GRK2: variants seen among roughly 807,000 people sequenced by gnomAD.
GRK2 encodes G protein-coupled receptor kinase 2.
Under a neutral mutation model 97.8 loss-of-function variants are expected in GRK2, and 23 were observed. The observed-to-expected ratio is 0.24, with a 90% CI of 0.17 to 0.33. The LOEUF (loss-of-function observed/expected upper bound fraction) is 0.33, where lower values mean the gene tolerates loss of function less well. Ranked by LOEUF, GRK2 falls within the 10% of genes least tolerant of loss-of-function variation. GRK2 has a pLI of 1.00. For synonymous variants in GRK2, 425 were observed against 381.7 expected (o/e 1.11, Z -1.32); for missense variants, 633 against 956.9 (o/e 0.66, Z 4.47).
chr11:67,280,769 G>C lies in GRK2; in HGVS notation c.541G>C (p.Glu181Gln). The C allele has an allele frequency of 6.2e-7, 1 of 1,614,080 alleles. No individual in the cohort carries two copies. The highest frequency in any genetic ancestry group is 8.5e-7 in the Non-Finnish European group (1 of 1,179,988). Residue 181 changes from glutamate (E) to glutamine (Q), a missense_variant, in exon 7 of 21, where the codon GAG becomes CAG. Transcript: ENST00000308595. Reference protein sequence around the residue: ...FTRFCQWKNVELNIHLTMNDF... With the variant: ...FTRFCQWKNVQLNIHLTMNDF... ...ACGGTTTTGCCAGTGGAAGAATGTG[G>C]AGCTCAACATCCACGTGAGTGGGCT...
intron 2 of GRK2, among the ~76,000 whole-genome samples, chr11:67,278,713 C>T (rs1362652416): frequency 6.6e-6 from 1 of 152,186 alleles, no homozygotes; most frequent in Non-Finnish European, 1.5e-5. Context: ...CCTCAGAGCC[C>T]CCTGCTAACC....
Position 67,277,335 on chromosome 11 carries a change from T to C in GRK2, c.177T>C (p.Phe59=). 1 of 1,613,204 alleles carries C rather than the reference T, an allele frequency of 6.2e-7. No homozygotes were observed. The highest frequency in any genetic ancestry group is 8.5e-7 in the Non-Finnish European group (1 of 1,179,618). ...GCGAGGTGACCTTTGAGAAGATCTTTTCCCAGAAGCTGGGTGAGTATGGCA... is the reference window on the plus strand; with the variant it reads ...GCGAGGTGACCTTTGAGAAGATCTTCTCCCAGAAGCTGGGTGAGTATGGCA... The part of the protein sequence containing the change: ...DRGEVTFEKI[F]SQKLGYLLFR... Residue 59 remains phenylalanine, a synonymous_variant, in exon 2 of 21, where the codon TTT becomes TTC. Coordinates refer to ENST00000308595, the MANE Select transcript of GRK2 (RefSeq NM_001619.5).
At chr11:67,274,928 C>T (rs1210397350) in intron 1 of GRK2, among the ~76,000 whole-genome samples, 1 of 152,190 alleles carries the variant, frequency 6.6e-6, no homozygotes, top group Non-Finnish European at 1.5e-5. Flanking sequence ...CCTCACTCCC[C>T]GGTGGGGGGC....
In GRK2 at chr11:67,281,779, G is replaced by A; in HGVS notation, c.827-43G>A. ...GGGCCGGGCCCAGGCACGGGAGGCTGGGGCAAGACACTGAGTGCTGCCTGT... is the reference window on the plus strand; with the variant it reads ...GGGCCGGGCCCAGGCACGGGAGGCTAGGGCAAGACACTGAGTGCTGCCTGT... On this transcript the variant is annotated intron_variant, in intron 10 of 20. Coordinates refer to ENST00000308595, the MANE Select transcript of GRK2 (RefSeq NM_001619.5). This position sits in a 1 kb window ranked among gnomAD's most constrained non-coding sequence, Gnocchi z 5.7. 5.6e-6 allele frequency: 9 copies of A among 1,613,678 alleles called. No individual in the cohort carries two copies. The highest frequency in any genetic ancestry group is 5.9e-6 in the Non-Finnish European group (7 of 1,180,000).
At chr11:67,284,704 G>A (rs1251025158) in intron 18 of GRK2, 143 bp from the exon 19 acceptor site, 10 of 1,148,490 alleles carry the variant, frequency 8.7e-6, no homozygotes, top group African/African-American at 6.3e-5. Context: ...CGGGAGGATC[G>A]TTTGAACCTG....
intron 1 of GRK2, among the ~76,000 whole-genome samples, chr11:67,268,182 G>A (rs1859836795): frequency 6.6e-6 from 1 of 152,210 alleles, no homozygotes. Flanking sequence ...ACTCTGCGGT[G>A]TCCCTCAGCC....
intron 1 of GRK2, among the ~76,000 whole-genome samples, chr11:67,275,288 C>T (rs547520744): frequency 4.6e-5 from 7 of 152,314 alleles, no homozygotes; most frequent in South Asian, 2.1e-4. Flanking sequence ...CTCTCGAGGC[C>T]GAGGTCAGAG....
At chr11:67,271,930 A>G (rs1859917461) in intron 1 of GRK2, among the ~76,000 whole-genome samples, 1 of 152,230 alleles carries the variant, frequency 6.6e-6, no homozygotes, top group Admixed American at 6.5e-5. Context: ...CCTCGGCCAC[A>G]GCCACAGGCC....
At position 67,281,574 on chromosome 11, in the gene GRK2, C is replaced by T. The variant is rs776820579; in HGVS notation, c.747+16C>T. 4.3e-6 allele frequency: 7 copies of T among 1,612,478 alleles called. No homozygotes were observed. The highest frequency in any genetic ancestry group is 3.3e-5 in the South Asian group (3 of 91,062). Reference sequence around the variant, plus strand: ...CAGCACTGGGGTGAGCTGGGTGGGCCGGGCTGCCGCTGAGGCTCTGGAACC... The same window carrying T: ...CAGCACTGGGGTGAGCTGGGTGGGCTGGGCTGCCGCTGAGGCTCTGGAACC... On this transcript the variant is annotated intron_variant, in intron 9 of 20. Coordinates refer to ENST00000308595, the MANE Select transcript of GRK2 (RefSeq NM_001619.5). The surrounding 1 kb of genome is among the most constrained non-coding windows in gnomAD (Gnocchi z 5.7).
rs967212069 is a variant in GRK2 at position 67,280,963 on chromosome 11, A to T, written c.556-130A>T. Reference sequence around the variant, plus strand: ...CATGGGGAGGCCGGAGCAGGTAAATATGTGGCAAGGATGGCCAGGACATGG... The same window carrying T: ...CATGGGGAGGCCGGAGCAGGTAAATTTGTGGCAAGGATGGCCAGGACATGG... On this transcript the variant is annotated intron_variant, in intron 7 of 20. Transcript: ENST00000308595. The T allele has an allele frequency of 1.5e-5, 17 of 1,102,550 alleles. No individual in the cohort carries two copies. The African/African-American group carries it at 2.3e-4, about 15-fold the overall frequency. The allele number at this position is 1,102,550 out of a possible 1,614,324, so 68.3% of individuals were successfully genotyped here. A position where few individuals can be genotyped will look rare whatever the true frequency, so the allele number is the denominator to read the frequency against.
chr11:67,286,098 C>T lies in GRK2; in HGVS notation c.*648C>T. ...GTGCTGCTACCCTCCCTGCTGTCCC[C>T]TCTTGCCCCAACCCCCAGCACCCGG... is the stretch of plus-strand genomic sequence containing the variant. On this transcript the variant is annotated 3_prime_UTR_variant, in exon 21 of 21. Coordinates refer to ENST00000308595, the MANE Select transcript of GRK2 (RefSeq NM_001619.5). The T allele has an allele frequency of 2.4e-6, 1 of 410,860 alleles. No homozygotes were observed. The allele number at this position is 410,860 out of a possible 1,614,324, so 25.5% of individuals were successfully genotyped here.
intron 1 of GRK2, among the ~76,000 whole-genome samples, chr11:67,268,024 T>C (rs1859833617): frequency 6.6e-6 from 1 of 152,238 alleles, no homozygotes; most frequent in Admixed American, 6.5e-5. Flanking sequence ...GCCTGAGAGT[T>C]GGCCTCCTCC....
chr11:67,280,831 C>A lies in GRK2; in HGVS notation c.555+48C>A. ...TGGAAAGCCACGCACCCTGCTGCTCCTCTCCCGGGAGCTGGGCCTGTGGCT... is the reference window on the plus strand; with the variant it reads ...TGGAAAGCCACGCACCCTGCTGCTCATCTCCCGGGAGCTGGGCCTGTGGCT... On this transcript the variant is annotated intron_variant, in intron 7 of 20. Transcript: ENST00000308595. 3 of 1,603,896 alleles carry A rather than the reference C, an allele frequency of 1.9e-6. No individual in the cohort carries two copies. In the South Asian group the frequency reaches 3.3e-5, roughly 18 times the overall value.
chr11:67,282,695 T>C lies in GRK2; in HGVS notation c.1161-57T>C. The C allele has an allele frequency of 1.3e-6, 2 of 1,599,656 alleles. No homozygotes were observed. Among genetic ancestry groups the C allele is most frequent in the Non-Finnish European group, 1.7e-6 (2 of 1,171,984 alleles). On this transcript the variant is annotated intron_variant, in intron 13 of 20. Coordinates refer to ENST00000308595, the MANE Select transcript of GRK2 (RefSeq NM_001619.5). This position sits in a 1 kb window ranked among gnomAD's most constrained non-coding sequence, Gnocchi z 6.9. ...TTGGCCACAGCTCATCCATGCTGCC[T>C]GCCTCCCTTTCCCCATTCCTGTCCT...
intron 1 of GRK2, among the ~76,000 whole-genome samples, chr11:67,268,713 C>T (rs61758508): frequency 1.3e-5 from 2 of 152,188 alleles, no homozygotes; most frequent in Admixed American, 6.5e-5. Flanking sequence ...CTTTTCCTGT[C>T]CCCTTTCCCA....
chr11:67,273,469 GA>G (rs1392566879), intron 1 of GRK2, among the ~76,000 whole-genome samples: 2 of 152,190 alleles, frequency 1.3e-5, no homozygotes, highest in Non-Finnish European at 2.9e-5. Flanking sequence ...CCCAGTCCAG[GA>G]GGCTGTCCCA....
At chr11:67,274,009 CTTTTTTT>C (rs1186824487) in intron 1 of GRK2, among the ~76,000 whole-genome samples, 1 of 126,762 alleles carries the variant, frequency 7.9e-6, no homozygotes, top group Non-Finnish European at 1.7e-5. Flanking sequence ...AAACTGGCAC[CTTTTTTT>C]TTTTTTTTTT....
rs992547518 is a variant in GRK2 at position 67,282,895 on chromosome 11, C to T, written c.1227+77C>T. On this transcript the variant is annotated intron_variant, in intron 14 of 20. Coordinates refer to ENST00000308595, the MANE Select transcript of GRK2 (RefSeq NM_001619.5). The surrounding 1 kb of genome is among the most constrained non-coding windows in gnomAD (Gnocchi z 6.9). ...GGGTGCCAGGCCATGACTCTTGCTTCCCACCAGCCAGCAGAGATCTGGGCC... is the reference window on the plus strand; with the variant it reads ...GGGTGCCAGGCCATGACTCTTGCTTTCCACCAGCCAGCAGAGATCTGGGCC... The T allele has an allele frequency of 3.4e-6, 5 of 1,473,500 alleles. No homozygotes were observed. Among genetic ancestry groups the T allele is most frequent in the Non-Finnish European group, 4.6e-6 (5 of 1,081,572 alleles). 91.3% of individuals were successfully genotyped at this position (1,473,500 alleles called of 1,614,324 possible). A position where few individuals can be genotyped will look rare whatever the true frequency, so the allele number is the denominator to read the frequency against.
rs752947884 is a variant in GRK2, at chr11:67,279,420, C to A, written c.267C>A (p.Ile89=). The A allele has an allele frequency of 1.9e-6, 3 of 1,613,066 alleles. No homozygotes were observed. The African/African-American group carries it at 4.0e-5, about 22-fold the overall frequency. Residue 89 remains isoleucine, a splice_region_variant and synonymous_variant, in exon 4 of 21, where the codon ATC becomes ATA. Transcript: ENST00000308595. ...ARPLVEFYEE[I]KKYEKLETEE... The stretch of plus-strand genomic sequence containing the variant: ...CCTGCAGGAATCCTGTCCTCCAGAT[C>A]AAGAAGTACGAGAAGCTGGAGACGG...
Sources: gnomAD v4.1 joint callset for allele counts (sites outside exome capture counted in the v4.1 genomes callset) on GRCh38, gnomAD v4.1.1 for gene constraint, Gnocchi (gnomAD v3.1) non-coding constraint, MANE v1.5 for transcripts, NCBI Gene and HGNC (gene_info 2026-07-23, HGNC 2026-07-21) for gene names.